The following STAU1 variants were observed in gnomAD, a reference collection of about 807,000 sequenced individuals.
STAU1 encodes staufen double-stranded RNA binding protein 1, also known as double-stranded RNA-binding protein Staufen homolog 1.
In STAU1, 13 loss-of-function variants were observed where a neutral mutation model predicts 62.9. The observed-to-expected ratio is 0.21, with a 90% CI of 0.13 to 0.33. The LOEUF (loss-of-function observed/expected upper bound fraction) is 0.33. STAU1 is among the 10% of genes least tolerant of loss of function. STAU1 has a pLI of 1.00. For missense variants in STAU1, 571 were observed against 712.1 expected (o/e 0.80, Z 2.25); for synonymous variants, 269 against 265.1 (o/e 1.01, Z -0.14).
the STAU1 span, chr20:49,219,283 C>T: frequency 6.9e-7 from 1 of 1,452,714 alleles, no homozygotes; most frequent in Non-Finnish European, 9.2e-7. Context: ...CAACCACGCC[C>T]CATATTGCCG....
At chr20:49,137,585 TA>T (rs1167385255) in intron 5 of STAU1, among the ~76,000 whole-genome samples, 1 of 152,190 alleles carries the variant, frequency 6.6e-6, no homozygotes, top group Non-Finnish European at 1.5e-5. Flanking sequence ...CTGAAACTGC[TA>T]AATAGGCAAG....
At position 49,149,251 on chromosome 20, in the gene STAU1, A is replaced by AACACACACACACACACACAC. The variant is rs34854738; in HGVS notation, c.510+2311_510+2330dup. Among the ~76,000 whole-genome samples the AACACACACACACACACACAC allele has an allele frequency of 1.1e-4, 14 of 132,030 alleles. No individual in the cohort carries two copies. In the South Asian group the frequency reaches 1.1e-3, roughly 10 times the overall value. 86.6% of individuals were successfully genotyped at this position (132,030 alleles called of 152,430 possible). A position where few individuals can be genotyped will look rare whatever the true frequency, so the allele number is the denominator to read the frequency against. On this transcript the variant is annotated intron_variant, in intron 5 of 13. Coordinates refer to ENST00000371856, the MANE Select transcript of STAU1 (RefSeq NM_017453.4). ...GGGTGACAGGGAGAGACTGTCTCAAAACACACACACACACACACACACACA... is the reference window on the plus strand; with the variant it reads ...GGGTGACAGGGAGAGACTGTCTCAAAACACACACACACACACACACACACACACACACACACACACACACA...
At chr20:49,193,401 G>A in the STAU1 span, among the ~76,000 whole-genome samples, 1 of 151,912 alleles carries the variant, frequency 6.6e-6, no homozygotes, top group Non-Finnish European at 1.5e-5. Context: ...AGGCCGGGCC[G>A]GTAGCTCACA....
chr20:49,116,540 C>T (rs909420734), intron 12 of STAU1, among the ~76,000 whole-genome samples: 3 of 151,306 alleles, frequency 2.0e-5, no homozygotes, highest in African/African-American at 7.3e-5. Context: ...GGTTTCACCA[C>T]GTTGGCCAGG....
intron 1 of STAU1, among the ~76,000 whole-genome samples, chr20:49,176,026 C>T (rs2093656759): frequency 1.3e-5 from 2 of 150,898 alleles, no homozygotes; most frequent in Admixed American, 6.6e-5. Flanking sequence ...GATCTCCTGA[C>T]CTCGTGATCC....
the STAU1 span, among the ~76,000 whole-genome samples, chr20:49,206,849 G>T: frequency 6.7e-6 from 1 of 149,792 alleles, no homozygotes; most frequent in Non-Finnish European, 1.5e-5. Flanking sequence ...TTCACCTCCC[G>T]GGTTCAAGCA....
At chr20:49,138,634 T>A (rs1296052657) in intron 5 of STAU1, among the ~76,000 whole-genome samples, 3 of 152,072 alleles carry the variant, frequency 2.0e-5, no homozygotes, top group African/African-American at 7.2e-5. Context: ...CCTGAGTAGC[T>A]GGGACTACTG....
At chr20:49,126,000 T>C (rs1156314742) in intron 6 of STAU1, among the ~76,000 whole-genome samples, 4 of 151,960 alleles carry the variant, frequency 2.6e-5, no homozygotes, top group Admixed American at 1.3e-4. Context: ...GGAAAGAATC[T>C]AAAATTAAAC....
At chr20:49,152,973 G>A (rs777098692) in intron 4 of STAU1, among the ~76,000 whole-genome samples, 4 of 152,102 alleles carry the variant, frequency 2.6e-5, no homozygotes, top group East Asian at 3.9e-4. Context: ...CAAAGGAGCC[G>A]GGCGTGGTGG....
the STAU1 span, among the ~76,000 whole-genome samples, chr20:49,199,990 G>A: frequency 2.0e-5 from 3 of 152,196 alleles, no homozygotes; most frequent in African/African-American, 7.2e-5. Flanking sequence ...GGTTACAGGT[G>A]TGAACTGCTG....
rs566775684 is a variant in STAU1, at chr20:49,180,091, C to T, written c.-159-5822G>A. ...ATCACCGTTTCAAACAAAAGTAAAA[C>T]AAAATTGTTCAGGAAGCAGTTCAAT... On this transcript the variant is annotated intron_variant, in intron 1 of 13. Coordinates refer to ENST00000371856, the MANE Select transcript of STAU1 (RefSeq NM_017453.4). Among the ~76,000 whole-genome samples the T allele has an allele frequency of 2.0e-5, 3 of 152,260 alleles. No homozygotes were observed. In the East Asian group the frequency reaches 5.8e-4, roughly 29 times the overall value.
chr20:49,184,714 A>C lies in STAU1; in HGVS notation c.-160+3402T>G, dbSNP rs144103408. Among the ~76,000 whole-genome samples the C allele has an allele frequency of 5.1e-3, 771 of 152,316 alleles. 8 individuals are homozygous for C. The highest frequency in any genetic ancestry group is 0.017 in the African/African-American group (725 of 41,564). ...CGTTAAGCTTAATGGGAAGCACTAC[A>C]CATTTTTAAAAATGTGTTGTGTCCT... is the stretch of plus-strand genomic sequence containing the variant. On this transcript the variant is annotated intron_variant, in intron 1 of 13. Coordinates refer to ENST00000371856, the MANE Select transcript of STAU1 (RefSeq NM_017453.4).
rs1426381472 is a variant in STAU1 at position 49,134,432 on chromosome 20, GGGAA to G, written c.609+1397_609+1400del. The stretch of plus-strand genomic sequence containing the variant: ...GGCGACAAGAGTGAAACTCATCTCA[GGGAA>G]AAAAAAAAAAAAAGCTCTGGGTTGA... On this transcript the variant is annotated intron_variant, in intron 6 of 13. Coordinates refer to ENST00000371856, the MANE Select transcript of STAU1 (RefSeq NM_017453.4). The G allele has an allele frequency of 3.3e-5, 9 of 271,274 alleles. 1 individual carries two copies. The highest frequency in any genetic ancestry group is 6.6e-5 in the East Asian group (1 of 15,226). The allele number at this position is 271,274 out of a possible 1,614,324, so 16.8% of individuals were successfully genotyped here. A position where few individuals can be genotyped will look rare whatever the true frequency, so the allele number is the denominator to read the frequency against.
At chr20:49,134,124 TAAACATTAA>T (rs2092814887) in intron 6 of STAU1, among the ~76,000 whole-genome samples, 1 of 152,032 alleles carries the variant, frequency 6.6e-6, no homozygotes, top group Admixed American at 6.5e-5. Flanking sequence ...ATTTCTAAGG[TAAACATTAA>T]AAATTCTCCC....
intron 3 of STAU1, among the ~76,000 whole-genome samples, chr20:49,155,119 G>A (rs978100636): frequency 2.0e-5 from 3 of 151,536 alleles, no homozygotes; most frequent in Non-Finnish European, 1.5e-5. Context: ...TCCTGCCCCA[G>A]AGGAGTTCAA....
At position 49,123,141 on chromosome 20, in the gene STAU1, G is replaced by A. The variant is rs769093125; in HGVS notation, c.917C>T (p.Thr306Met). 12 of 1,613,988 alleles carry A rather than the reference G, an allele frequency of 7.4e-6. No individual in the cohort carries two copies. Among genetic ancestry groups the A allele is most frequent in the Middle Eastern group, 1.7e-4 (1 of 6,060 alleles). Reference sequence around the variant, plus strand: ...CGGGAGGCCTCGCTCTGTGAGGAGCGTGTACTCTGGCTCCTTCTCCTTTTT... The same window carrying A: ...CGGGAGGCCTCGCTCTGTGAGGAGCATGTACTCTGGCTCCTTCTCCTTTTT... ...QAKKEKEPEY[T>M]LLTERGLPRR... Residue 306 changes from threonine (T) to methionine (M), a missense_variant, in exon 8 of 14, where the codon ACG becomes ATG. Coordinates refer to ENST00000371856, the MANE Select transcript of STAU1 (RefSeq NM_017453.4).
intron 8 of STAU1, 88 bp from the exon 9 acceptor site, chr20:49,120,216 C>A: frequency 6.8e-7 from 1 of 1,467,450 alleles, no homozygotes. Flanking sequence ...AAATAACCAA[C>A]TATGGTCAGA....
At chr20:49,133,365 G>C (rs922717665) in intron 6 of STAU1, among the ~76,000 whole-genome samples, 1 of 152,150 alleles carries the variant, frequency 6.6e-6, no homozygotes, top group Non-Finnish European at 1.5e-5. Flanking sequence ...GAGGTGACCC[G>C]GGAAGCCAGC....
intron 3 of STAU1, among the ~76,000 whole-genome samples, chr20:49,163,419 C>CTTTTTTTTTTTTTTTTTT (rs200864480): frequency 2.4e-5 from 2 of 82,440 alleles, no homozygotes; most frequent in African/African-American, 5.2e-5. Context: ...GTGTTTAAAC[C>CTTTTTTTTTTTTTTTTTT]TTTTTTTTTT....
Sources: gnomAD v4.1 joint callset for allele counts (sites outside exome capture counted in the v4.1 genomes callset) on GRCh38, gnomAD v4.1.1 for gene constraint, MANE v1.5 for transcripts, NCBI Gene and HGNC (gene_info 2026-07-23, HGNC 2026-07-21) for gene names.